Variants in FYB1 observed in about 807,000 individuals in gnomAD.
FYB1 encodes the protein FYN-binding protein 1.
A neutral mutation model predicts 94.1 loss-of-function variants in FYB1; 41 were observed. The observed-to-expected ratio is 0.44, with a 90% confidence interval of 0.34 to 0.57. FYB1 has a LOEUF of 0.57. Ranked by LOEUF, FYB1 falls within the 20% of genes least tolerant of loss-of-function variation. The pLI is 0.02. For synonymous variants in FYB1, 367 were observed against 353.2 expected (o/e 1.04, Z -0.44); for missense variants, 1,050 against 976.8 (o/e 1.07, Z -1.00).
chr5:39,197,254 A>G (rs1275460856), intron 2 of FYB1, among the ~76,000 whole-genome samples: 2 of 152,216 alleles, frequency 1.3e-5, no homozygotes, highest in East Asian at 1.9e-4. Context: ...ATCTTAGTGA[A>G]TAAATATTTA....
At chr5:39,140,090 A>G (rs951259634) in intron 4 of FYB1, 22 of 152,224 alleles carry the variant, frequency 1.4e-4, no homozygotes, top group Admixed American at 1.4e-3. Context: ...TTTCTAGGAA[A>G]AAAGACTTCT....
At position 39,265,247 on chromosome 5, in the gene FYB1, C is replaced by A. The variant is rs180814587; in HGVS notation, c.-28+9156G>T. On this transcript the variant is annotated intron_variant, in intron 1 of 1. Transcript: ENST00000510188. ...CTGTAATCCCAGCATTCTGGGAGGC[C>A]GAGGCAGGTGGATCATGAGGTCAGG... Among the ~76,000 whole-genome samples, 148 of 151,840 alleles carry A rather than the reference C, an allele frequency of 9.7e-4. 2 individuals carry two copies. Among genetic ancestry groups the A allele is most frequent in the African/African-American group, 3.4e-3 (140 of 41,386 alleles).
rs547282646 is a variant in FYB1 at position 39,173,233 on chromosome 5, G to A, written c.1136-19629C>T. On this transcript the variant is annotated intron_variant, in intron 2 of 18. Transcript: ENST00000512982. ...TTGAGCATTTTTTCATTTGTTTATC[G>A]GCCACTTGTACAACTTCTTTTAAGA... 4.6e-5 allele frequency among the ~76,000 whole-genome samples: 7 copies of A among 152,056 alleles called. No individual in the cohort carries two copies. In the South Asian group the frequency reaches 6.2e-4, roughly 14 times the overall value.
chr5:39,204,807 C>G (rs1046327675), intron 1 of FYB1, among the ~76,000 whole-genome samples: 11 of 152,330 alleles, frequency 7.2e-5, no homozygotes, highest in Non-Finnish European at 1.6e-4. Context: ...TAGGCAGGAA[C>G]AGAAAAGCTA....
intron 2 of FYB1, among the ~76,000 whole-genome samples, chr5:39,180,117 G>C (rs541376571): frequency 9.2e-5 from 14 of 152,152 alleles, no homozygotes; most frequent in Non-Finnish European, 2.1e-4. Flanking sequence ...GGATTCCTGA[G>C]GTCTACAACA....
intron 16 of FYB1, among the ~76,000 whole-genome samples, chr5:39,111,887 C>A (rs1478664146): frequency 1.3e-5 from 2 of 151,906 alleles, no homozygotes; most frequent in African/African-American, 4.8e-5. Context: ...CTTTATATTT[C>A]AATTAATGCA....
rs1225578379 is a variant in FYB1, at chr5:39,272,481, G to A, written c.-28+1922C>T. ...AGATCGAAACCATCCTGGCTAACAC[G>A]GTGAAATCCCGTCTCTACTAAAAAA... On this transcript the variant is annotated intron_variant, in intron 1 of 1. Transcript: ENST00000510188. Among the ~76,000 whole-genome samples the A allele has an allele frequency of 3.4e-5, 5 of 146,592 alleles. No individual in the cohort carries two copies. The East Asian group carries it at 8.2e-4, about 24-fold the overall frequency.
intron 2 of FYB1, among the ~76,000 whole-genome samples, chr5:39,168,510 C>A (rs554672767): frequency 6.6e-6 from 1 of 152,292 alleles, no homozygotes; most frequent in East Asian, 1.9e-4. Flanking sequence ...TTGGGTTGAT[C>A]TATACTGCCC....
At chr5:39,143,380 C>G (rs1179430820) in intron 3 of FYB1, among the ~76,000 whole-genome samples, 1 of 150,224 alleles carries the variant, frequency 6.7e-6, no homozygotes, top group Non-Finnish European at 1.5e-5. Context: ...TACACCAGTT[C>G]CCCATACTAA....
intron 2 of FYB1, among the ~76,000 whole-genome samples, chr5:39,156,161 A>G (rs1157017919): frequency 6.6e-6 from 1 of 152,120 alleles, no homozygotes; most frequent in Non-Finnish European, 1.5e-5. Flanking sequence ...GGTGTAGGGA[A>G]TGGTGAGTCC....
chr5:39,263,888 G>C (rs1752323826), intron 1 of FYB1, among the ~76,000 whole-genome samples: 1 of 152,246 alleles, frequency 6.6e-6, no homozygotes, highest in Admixed American at 6.5e-5. Context: ...AGCAGGTAAT[G>C]GCACCCACTC....
At chr5:39,210,364 G>C (rs572848858) in intron 1 of FYB1, among the ~76,000 whole-genome samples, 20 of 152,322 alleles carry the variant, frequency 1.3e-4, no homozygotes, top group South Asian at 4.1e-4. Flanking sequence ...TCCTGGTCTG[G>C]TGTTATTCCG....
At chr5:39,180,065 T>C (rs1433553173) in intron 2 of FYB1, among the ~76,000 whole-genome samples, 1 of 152,158 alleles carries the variant, frequency 6.6e-6, no homozygotes, top group African/African-American at 2.4e-5. Flanking sequence ...TATTAGAAGG[T>C]AAACTTCAGG....
rs559445700 is a variant in FYB1, at chr5:39,184,866, CTT to C, written c.1135+16958_1135+16959del. On this transcript the variant is annotated intron_variant, in intron 2 of 18. Coordinates refer to ENST00000512982, the MANE Select transcript of FYB1 (RefSeq NM_001465.6). Reference sequence around the variant, plus strand: ...AGAGATGATGCACAACCTGTTCTAACTTAGTTATACAATTTTACAGAAATTAT... The same window carrying C: ...AGAGATGATGCACAACCTGTTCTAACAGTTATACAATTTTACAGAAATTAT... 1.1e-4 allele frequency among the ~76,000 whole-genome samples: 16 copies of C among 152,086 alleles called. No homozygotes were observed. The South Asian group carries it at 3.3e-3, about 32-fold the overall frequency.
At chr5:39,215,135 A>T (rs1325875969) in intron 1 of FYB1, among the ~76,000 whole-genome samples, 1 of 152,222 alleles carries the variant, frequency 6.6e-6, no homozygotes, top group Non-Finnish European at 1.5e-5. Flanking sequence ...ATGCGAATGT[A>T]TGTAATGCCA....
At chr5:39,144,209 T>A (rs1456676550) in intron 3 of FYB1, among the ~76,000 whole-genome samples, 1 of 152,190 alleles carries the variant, frequency 6.6e-6, no homozygotes, top group African/African-American at 2.4e-5. Context: ...TTAAGGAGTC[T>A]GGGTATTGAG....
intron 13 of FYB1, 62 bp downstream of exon 13, chr5:39,124,191 T>G (rs1220311538): frequency 1.1e-5 from 13 of 1,137,636 alleles, no homozygotes; most frequent in South Asian, 8.7e-5. Context: ...ATCCAGAGCT[T>G]TCCCACTACC....
intron 2 of FYB1, among the ~76,000 whole-genome samples, chr5:39,170,746 A>T (rs1745181295): frequency 6.6e-6 from 1 of 152,106 alleles, no homozygotes; most frequent in Admixed American, 6.5e-5. Flanking sequence ...ATGTCTTCCT[A>T]TCATAAATTC....
At chr5:39,206,941 C>T (rs1436215525) in intron 1 of FYB1, among the ~76,000 whole-genome samples, 3 of 152,180 alleles carry the variant, frequency 2.0e-5, no homozygotes, top group Non-Finnish European at 4.4e-5. Flanking sequence ...ATATGATCAG[C>T]AACCCTTGGG....
Sources: allele counts gnomAD v4.1 joint callset (sites outside exome capture counted in the v4.1 genomes callset), GRCh38; gene constraint gnomAD v4.1.1; transcripts MANE v1.5; gene names NCBI Gene and HGNC (gene_info 2026-07-23, HGNC 2026-07-21).